Variants in RHOBTB2 observed in about 807,000 individuals in gnomAD.
The protein encoded by RHOBTB2 is rho-related BTB domain-containing protein 2.
RHOBTB2 carries 39 observed loss-of-function variants against 66.5 expected under a neutral mutation model. The ratio of observed to expected loss-of-function variants is 0.59; its 90% CI spans 0.45 to 0.77. The LOEUF (loss-of-function observed/expected upper bound fraction) is 0.77. Ranked by LOEUF, RHOBTB2 falls within the 30% of genes least tolerant of loss-of-function variation. The pLI, the probability that RHOBTB2 is intolerant of heterozygous loss-of-function variation, is 0.00. For missense variants in RHOBTB2, 755 were observed against 999.1 expected, an observed-to-expected ratio of 0.76 and a Z score of 3.29; for synonymous variants, 390 against 395.0, an observed-to-expected ratio of 0.99 and a Z score of 0.15.
chr8:22,962,179 C>CAAAAAAAAAAAAAAAAAAAAAA, the RHOBTB2 span, among the ~76,000 whole-genome samples: 9 of 13,834 alleles, frequency 6.5e-4, 2 homozygotes, highest in Non-Finnish European at 9.9e-4. Context: ...AACGAATTTA[C>CAAAAAAAAAAAAAAAAAAAAAA]AAAAAAAAAA....
chr8:23,009,279 C>T (rs367958541), intron 6 of RHOBTB2, among the ~76,000 whole-genome samples: 29 of 152,264 alleles, frequency 1.9e-4, no homozygotes, highest in African/African-American at 6.7e-4. Flanking sequence ...CTAGCTCTCA[C>T]GATGCCACCA....
upstream of RHOBTB2, among the ~76,000 whole-genome samples, chr8:22,996,496 GGTGT>G (rs777854716): frequency 7.2e-3 from 709 of 98,692 alleles, 1 homozygote; most frequent in African/African-American, 8.6e-3. Flanking sequence ...AGAGAGGGCT[GGTGT>G]GTGTGTGTGT....
At chr8:23,002,737 GGA>G (rs1264837825) in intron 1 of RHOBTB2, among the ~76,000 whole-genome samples, 2 of 152,118 alleles carry the variant, frequency 1.3e-5, no homozygotes, top group Admixed American at 1.3e-4. Context: ...GGGAGGGTTA[GGA>G]GAGAGAAGGG....
intron 1 of RHOBTB2, among the ~76,000 whole-genome samples, chr8:22,991,011 G>C (rs567373545): frequency 6.6e-6 from 1 of 152,278 alleles, no homozygotes; most frequent in Non-Finnish European, 1.5e-5. Context: ...TGACAAGTCA[G>C]ACTGGACACT....
At chr8:22,995,104 A>G (rs546059944), upstream of RHOBTB2, among the ~76,000 whole-genome samples, 1 of 151,936 alleles carries the variant, frequency 6.6e-6, no homozygotes, top group East Asian at 1.9e-4. Flanking sequence ...TTTTTTAAAA[A>G]TTTTTTTTAA....
In RHOBTB2 at chr8:23,007,333, G is replaced by T. The variant is rs141884602; in HGVS notation, c.1088G>T (p.Arg363Leu). The part of the protein sequence containing the change: ...EAGGSGPAGL[R>L]ASTSDGILRG... ...GGGGGCTCCGGTCCTGCTGGCCTCCGTGCTTCCACCAGCGACGGGATCTTA... is the reference window on the plus strand; with the variant it reads ...GGGGGCTCCGGTCCTGCTGGCCTCCTTGCTTCCACCAGCGACGGGATCTTA... The change falls in exon 5 of 10, where the codon CGT (arginine) becomes CTT (leucine). Residue 363 changes from arginine (R) to leucine (L), a missense_variant. This residue lies in a region of RHOBTB2 where 247 missense variants were observed against 238.9 expected (regional missense o/e 1.03). Coordinates refer to ENST00000251822, the MANE Select transcript of RHOBTB2 (RefSeq NM_015178.3). The T allele has an allele frequency of 1.6e-5, 26 of 1,613,696 alleles. No homozygotes were observed. The highest frequency in any genetic ancestry group is 2.1e-5 in the Non-Finnish European group (25 of 1,179,806).
At chr8:23,009,256 A>C (rs1811065526) in intron 6 of RHOBTB2, among the ~76,000 whole-genome samples, 1 of 152,106 alleles carries the variant, frequency 6.6e-6, no homozygotes, top group Non-Finnish European at 1.5e-5. Flanking sequence ...CTGCCTCTCT[A>C]ATCAGTGACC....
At chr8:23,008,796 G>A (rs948463834) in intron 6 of RHOBTB2, among the ~76,000 whole-genome samples, 4 of 152,106 alleles carry the variant, frequency 2.6e-5, no homozygotes, top group African/African-American at 9.7e-5. Flanking sequence ...CTGGGGCCTG[G>A]ATGCTGTCTC....
Position 23,004,790 on chromosome 8 carries a change from T to G in RHOBTB2, c.192+164T>G. The stretch of plus-strand genomic sequence containing the variant: ...AGGAAGGAGCCCCTGGAGAGAGGTT[T>G]AAGCCAAGTCTGCCCCAGGGAAGTG... On this transcript the variant is annotated intron_variant, in intron 2 of 9. Coordinates refer to ENST00000251822, the MANE Select transcript of RHOBTB2 (RefSeq NM_015178.3). The surrounding 1 kb of genome is among the most constrained non-coding windows in gnomAD (Gnocchi z 6.4). The G allele has an allele frequency of 1.5e-6, 1 of 673,726 alleles. No individual in the cohort carries two copies. Among genetic ancestry groups the G allele is most frequent in the South Asian group, 1.9e-5 (1 of 53,766 alleles). The allele number at this position is 673,726 out of a possible 1,614,324, so 41.7% of individuals were successfully genotyped here.
rs571326568 is a variant in RHOBTB2, at chr8:23,008,106, C to T, written c.1615C>T (p.Arg539Trp). Reference protein sequence around the residue: ...FGGPFVESSTREVVFPYTSKS... With the variant: ...FGGPFVESSTWEVVFPYTSKS... ...GGGGCCATTTGTGGAGAGCTCCACC[C>T]GGGAGGTAAGGCTGAGGACACAAAG... The change falls in exon 6 of 10, where the codon CGG (arginine) becomes TGG (tryptophan). Residue 539 changes from arginine (R) to tryptophan (W), a missense_variant. Around this residue, in one of 7 missense-constraint regions of RHOBTB2, gnomAD observed 353 missense variants for 458.2 expected, o/e 0.77. Transcript: ENST00000251822. 65 of 1,607,660 alleles carry T rather than the reference C, an allele frequency of 4.0e-5. No homozygotes were observed. Among genetic ancestry groups the T allele is most frequent in the African/African-American group, 2.3e-4 (17 of 74,618 alleles).
the RHOBTB2 span, among the ~76,000 whole-genome samples, chr8:22,970,331 C>T: frequency 1.2e-3 from 185 of 152,196 alleles, no homozygotes; most frequent in African/African-American, 3.4e-3. Context: ...ACCCATTCAC[C>T]GGGGGGAGCC....
At position 23,006,172 on chromosome 8, in the gene RHOBTB2, A is replaced by G. The variant is rs766273080; in HGVS notation, c.482+27A>G. The G allele has an allele frequency of 1.3e-6, 2 of 1,590,092 alleles. No homozygotes were observed. The highest frequency in any genetic ancestry group is 1.7e-6 in the Non-Finnish European group (2 of 1,164,530). On this transcript the variant is annotated intron_variant, in intron 4 of 9. Coordinates refer to ENST00000251822, the MANE Select transcript of RHOBTB2 (RefSeq NM_015178.3). The surrounding 1 kb of genome is among the most constrained non-coding windows in gnomAD (Gnocchi z 6.1). ...TAGGAGGTGCTGGTACCAAGGAGAC[A>G]GACATGGATGGGTGCCTCACCATGG...
At chr8:22,964,729 T>C in the RHOBTB2 span, among the ~76,000 whole-genome samples, 1 of 152,150 alleles carries the variant, frequency 6.6e-6, no homozygotes, top group African/African-American at 2.4e-5. Flanking sequence ...ATCTTAAGAA[T>C]TATACATGTA....
chr8:22,964,443 G>GT, the RHOBTB2 span, among the ~76,000 whole-genome samples: 1 of 152,062 alleles, frequency 6.6e-6, no homozygotes, highest in Non-Finnish European at 1.5e-5. Flanking sequence ...CGACAATCTT[G>GT]TTTTCTGCAA....
chr8:22,990,489 G>A (rs775557398), intron 1 of RHOBTB2, among the ~76,000 whole-genome samples: 10 of 152,322 alleles, frequency 6.6e-5, no homozygotes, highest in East Asian at 1.9e-4. Context: ...AGGGGCGGCC[G>A]CTGTGAGGCT....
At chr8:22,958,286 G>A in the RHOBTB2 span, among the ~76,000 whole-genome samples, 6 of 152,176 alleles carry the variant, frequency 3.9e-5, no homozygotes, top group Admixed American at 6.6e-5. Flanking sequence ...AAATGAAGAT[G>A]AGCTACATAA....
At chr8:22,963,008 C>A in the RHOBTB2 span, among the ~76,000 whole-genome samples, 1 of 152,198 alleles carries the variant, frequency 6.6e-6, no homozygotes, top group East Asian at 1.9e-4. Context: ...TGGACAGATT[C>A]GAAGGGTCCT....
rs1459898563 is a variant in RHOBTB2 at position 23,019,968 on chromosome 8, T to C, written c.*2499T>C. ...CCCAGGAACCTAGCTCTTTAAACTC[T>C]GGGGAGTCGGATTCAGGAAACACCC... is the stretch of plus-strand genomic sequence containing the variant. On this transcript the variant is annotated 3_prime_UTR_variant, in exon 10 of 10. Coordinates refer to ENST00000251822, the MANE Select transcript of RHOBTB2 (RefSeq NM_015178.3). The C allele has an allele frequency of 3.2e-6, 1 of 309,232 alleles. No homozygotes were observed. The highest frequency in any genetic ancestry group is 2.2e-5 in the African/African-American group (1 of 45,582). The allele number at this position is 309,232 out of a possible 1,614,324, so 19.2% of individuals were successfully genotyped here. A position where few individuals can be genotyped will look rare whatever the true frequency, so the allele number is the denominator to read the frequency against.
chr8:22,955,389 G>A, the RHOBTB2 span, among the ~76,000 whole-genome samples: 24 of 152,068 alleles, frequency 1.6e-4, no homozygotes, highest in African/African-American at 5.8e-4. Flanking sequence ...TGTGGCCCCC[G>A]AGGTTTACCG....
Sources: allele counts gnomAD v4.1 joint callset (sites outside exome capture counted in the v4.1 genomes callset), GRCh38; gene constraint gnomAD v4.1.1; regional missense constraint gnomAD v4.1.1; non-coding constraint Gnocchi (gnomAD v3.1); transcripts MANE v1.5; gene names NCBI Gene and HGNC (gene_info 2026-07-23, HGNC 2026-07-21).